Variants in KCNQ1OT1 observed in about 807,000 individuals in gnomAD.
KCNQ1OT1 encodes KCNQ1 opposite strand/antisense transcript 1, also known as KCNQ1 antisense RNA 2 (non-protein coding).
In KCNQ1OT1 at chr11:2,619,055, A is replaced by T. The variant is rs116484854; in HGVS notation, n.80940T>A. 3.1e-3 allele frequency: 1,248 copies of T among 398,464 alleles called. 18 individuals are homozygous for T. Among genetic ancestry groups the T allele is most frequent in the African/African-American group, 0.023 (1,113 of 48,732 alleles). The allele number at this position is 398,464 out of a possible 1,614,324, so 24.7% of individuals were successfully genotyped here. A position where few individuals can be genotyped will look rare whatever the true frequency, so the allele number is the denominator to read the frequency against. On this transcript the variant is annotated non_coding_transcript_exon_variant, in exon 1 of 1. Transcript: ENST00000597346. Reference sequence around the variant, plus strand: ...TACAACTTTACTGAACTCATTTATTAGTTCTAACAGGTTGCTTTGTCAGAG... The same window carrying T: ...TACAACTTTACTGAACTCATTTATTTGTTCTAACAGGTTGCTTTGTCAGAG...
exon 1 of KCNQ1OT1, chr11:2,662,465 C>G (rs1042232676): frequency 4.3e-6 from 2 of 466,342 alleles, no homozygotes; most frequent in Non-Finnish European, 7.5e-6. Flanking sequence ...GGGCAGATGC[C>G]GGGTGCAGTC....
rs1046249034 is a variant in KCNQ1OT1, at chr11:2,640,478, G to T, written n.59517C>A. The stretch of plus-strand genomic sequence containing the variant: ...CTTCTTAATTTTTTGTAGAGACAGG[G>T]TCGTGCATTGTTGCCCAGGCTGGTC... On this transcript the variant is annotated non_coding_transcript_exon_variant, in exon 1 of 1. Transcript: ENST00000597346. 4 of 398,328 alleles carry T rather than the reference G, an allele frequency of 1.0e-5. No homozygotes were observed. In the Admixed American group the frequency reaches 1.3e-4, roughly 13 times the overall value. The allele number at this position is 398,328 out of a possible 1,614,324, so 24.7% of individuals were successfully genotyped here. A position where few individuals can be genotyped will look rare whatever the true frequency, so the allele number is the denominator to read the frequency against.
exon 1 of KCNQ1OT1, chr11:2,644,068 C>T: frequency 2.5e-6 from 1 of 398,498 alleles, no homozygotes; most frequent in Non-Finnish European, 4.4e-6. Flanking sequence ...CTATAATGTG[C>T]TGTGGAAAAG....
At chr11:2,638,328 A>G (rs1296362324) in exon 1 of KCNQ1OT1, 2 of 151,974 alleles carry the variant, frequency 1.3e-5, no homozygotes, top group Admixed American at 1.3e-4. Context: ...GTTCCTTTCC[A>G]TGTTTAGTGC....
At chr11:2,625,102 GT>G in exon 1 of KCNQ1OT1, 1 of 398,640 alleles carries the variant, frequency 2.5e-6, no homozygotes, top group Non-Finnish European at 4.4e-6. Flanking sequence ...ATACACAGAG[GT>G]GGAGTTGATG....
rs1241222485 is a variant in KCNQ1OT1, at chr11:2,682,627, G to T, written n.17368C>A. 2.5e-6 allele frequency: 1 copy of T among 398,532 alleles called. No homozygotes were observed. The highest frequency in any genetic ancestry group is 4.4e-6 in the Non-Finnish European group (1 of 226,080). The allele number at this position is 398,532 out of a possible 1,614,324, so 24.7% of individuals were successfully genotyped here. A position where few individuals can be genotyped will look rare whatever the true frequency, so the allele number is the denominator to read the frequency against. ...GTAAGGCTTGAGAGCTCTTCTTCAG[G>T]CTCAGTCATCCCTGCTTCCCCAGGG... On this transcript the variant is annotated non_coding_transcript_exon_variant, in exon 1 of 1. Transcript: ENST00000597346. This position sits in a 1 kb window ranked among gnomAD's most constrained non-coding sequence, Gnocchi z 5.8.
At chr11:2,662,628 G>A (rs895353375) in exon 1 of KCNQ1OT1, 55 of 409,950 alleles carry the variant, frequency 1.3e-4, no homozygotes, top group Admixed American at 1.1e-3. Context: ...GCCAATCCCC[G>A]GTGCCCGGCC....
At position 2,657,723 on chromosome 11, in the gene KCNQ1OT1, T is replaced by C. The variant is rs1402492611; in HGVS notation, n.42272A>G. The C allele has an allele frequency of 2.5e-6, 1 of 398,518 alleles. No individual in the cohort carries two copies. The highest frequency in any genetic ancestry group is 4.4e-6 in the Non-Finnish European group (1 of 226,070). 24.7% of individuals were successfully genotyped at this position (398,518 alleles called of 1,614,324 possible). Reference sequence around the variant, plus strand: ...ATCTAGGATCGATCATTACATTTATTGTCATCTCTGATCGGTGACGGGCTT... The same window carrying C: ...ATCTAGGATCGATCATTACATTTATCGTCATCTCTGATCGGTGACGGGCTT... On this transcript the variant is annotated non_coding_transcript_exon_variant, in exon 1 of 1. Coordinates refer to ENST00000597346, the Ensembl canonical transcript of KCNQ1OT1. This position sits in a 1 kb window ranked among gnomAD's most constrained non-coding sequence, Gnocchi z 4.8.
Position 2,626,613 on chromosome 11 carries a change from C to T in KCNQ1OT1, n.73382G>A, listed in dbSNP as rs1197569070. Reference sequence around the variant, plus strand: ...GCATTATCACTGCTTACTGCCACCTCAATCTCCCAGGCTCAAGCAATCCTC... The same window carrying T: ...GCATTATCACTGCTTACTGCCACCTTAATCTCCCAGGCTCAAGCAATCCTC... On this transcript the variant is annotated non_coding_transcript_exon_variant, in exon 1 of 1. Transcript: ENST00000597346. The surrounding 1 kb of genome is among the most constrained non-coding windows in gnomAD (Gnocchi z 4.0). The T allele has an allele frequency of 5.0e-6, 2 of 398,632 alleles. No homozygotes were observed. The highest frequency in any genetic ancestry group is 8.8e-6 in the Non-Finnish European group (2 of 226,094). The allele number at this position is 398,632 out of a possible 1,614,324, so 24.7% of individuals were successfully genotyped here.
chr11:2,642,258 T>A lies in KCNQ1OT1; in HGVS notation n.57737A>T, dbSNP rs1849591775. 2.5e-6 allele frequency: 1 copy of A among 398,400 alleles called. No individual in the cohort carries two copies. The highest frequency in any genetic ancestry group is 4.4e-6 in the Non-Finnish European group (1 of 225,930). 24.7% of individuals were successfully genotyped at this position (398,400 alleles called of 1,614,324 possible). On this transcript the variant is annotated non_coding_transcript_exon_variant, in exon 1 of 1. Transcript: ENST00000597346. The surrounding 1 kb of genome is among the most constrained non-coding windows in gnomAD (Gnocchi z 4.3). The stretch of plus-strand genomic sequence containing the variant: ...ATTCTCCCAATCCATGAGAATGGGA[T>A]GTTTTTTGTGTGTTCTTTTCAATTT...
At chr11:2,650,510 G>C in exon 1 of KCNQ1OT1, 1 of 398,632 alleles carries the variant, frequency 2.5e-6, no homozygotes, top group Admixed American at 4.4e-5. Context: ...CAATTAATTA[G>C]ACTATAATCC....
In KCNQ1OT1 at chr11:2,652,099, CTGGCCTGGCTGGGAGG is replaced by C. The variant is rs796457611; in HGVS notation, n.47880_47895del. ...TATGGGGAGCCTCTCGGCCCCAGTT[CTGGCCTGGCTGGGAGG>C]TGGCCTGGGAAGGGACCTGTGTTTC... On this transcript the variant is annotated non_coding_transcript_exon_variant, in exon 1 of 1. Coordinates refer to ENST00000597346, the Ensembl canonical transcript of KCNQ1OT1. This position sits in a 1 kb window ranked among gnomAD's most constrained non-coding sequence, Gnocchi z 5.9. The C allele has an allele frequency of 3.3e-5, 13 of 398,708 alleles. No homozygotes were observed. The highest frequency in any genetic ancestry group is 2.3e-4 in the African/African-American group (11 of 48,766). The allele number at this position is 398,708 out of a possible 1,614,324, so 24.7% of individuals were successfully genotyped here. A position where few individuals can be genotyped will look rare whatever the true frequency, so the allele number is the denominator to read the frequency against.
At chr11:2,667,934 C>T in exon 1 of KCNQ1OT1, 1 of 398,644 alleles carries the variant, frequency 2.5e-6, no homozygotes, top group Non-Finnish European at 4.4e-6. Context: ...GTGCAGCACC[C>T]GGAGGAAGCA....
rs919581225 is a variant in KCNQ1OT1 at position 2,654,382 on chromosome 11, G to A, written n.45613C>T. On this transcript the variant is annotated non_coding_transcript_exon_variant, in exon 1 of 1. Coordinates refer to ENST00000597346, the Ensembl canonical transcript of KCNQ1OT1. This position sits in a 1 kb window ranked among gnomAD's most constrained non-coding sequence, Gnocchi z 6.4. The stretch of plus-strand genomic sequence containing the variant: ...CTGTTCATCCTTGTGAAGTAGGCTG[G>A]CTCAGGGAACTCGCCTGTGCCAAAC... 5.0e-6 allele frequency: 2 copies of A among 398,484 alleles called. No homozygotes were observed. Among genetic ancestry groups the A allele is most frequent in the Non-Finnish European group, 8.8e-6 (2 of 226,106 alleles). The allele number at this position is 398,484 out of a possible 1,614,324, so 24.7% of individuals were successfully genotyped here.
At position 2,677,438 on chromosome 11, in the gene KCNQ1OT1, T is replaced by C. The variant is rs1287140960; in HGVS notation, n.22557A>G. ...CAGAGGACAGCAGGGGAGATGATAA[T>C]TGATGCAGGTGGCCTCTTGGTCAAG... On this transcript the variant is annotated non_coding_transcript_exon_variant, in exon 1 of 1. Transcript: ENST00000597346. The surrounding 1 kb of genome is among the most constrained non-coding windows in gnomAD (Gnocchi z 4.5). The C allele has an allele frequency of 7.5e-6, 3 of 398,444 alleles. No individual in the cohort carries two copies. The highest frequency in any genetic ancestry group is 2.1e-5 in the African/African-American group (1 of 48,622). 24.7% of individuals were successfully genotyped at this position (398,444 alleles called of 1,614,324 possible). A position where few individuals can be genotyped will look rare whatever the true frequency, so the allele number is the denominator to read the frequency against.
chr11:2,665,767 A>AT, exon 1 of KCNQ1OT1: 1 of 398,398 alleles, frequency 2.5e-6, no homozygotes, highest in Non-Finnish European at 4.4e-6. Flanking sequence ...AAGCCCTAGG[A>AT]TTGCTGCTCA....
chr11:2,694,391 A>G, exon 1 of KCNQ1OT1: 1 of 398,662 alleles, frequency 2.5e-6, no homozygotes. Context: ...CTATGGGAGA[A>G]TTACTAATAT....
exon 1 of KCNQ1OT1, chr11:2,644,861 T>C (rs1382762141): frequency 2.5e-6 from 1 of 398,620 alleles, no homozygotes; most frequent in Non-Finnish European, 4.4e-6. Flanking sequence ...TAGGATGCAG[T>C]TGTTGGTGGA....
At position 2,642,416 on chromosome 11, in the gene KCNQ1OT1, G is replaced by A. The variant is rs1361408039; in HGVS notation, n.57579C>T. ...TTCTTTCTCAGCTGGTTCTTTATTG[G>A]TATATAGAAATAAGCCTGATTTTTA... On this transcript the variant is annotated non_coding_transcript_exon_variant, in exon 1 of 1. Coordinates refer to ENST00000597346, the Ensembl canonical transcript of KCNQ1OT1. This position sits in a 1 kb window ranked among gnomAD's most constrained non-coding sequence, Gnocchi z 4.3. 2 of 397,746 alleles carry A rather than the reference G, an allele frequency of 5.0e-6. No individual in the cohort carries two copies. Among genetic ancestry groups the A allele is most frequent in the South Asian group, 1.3e-4 (1 of 7,848 alleles). 24.6% of individuals were successfully genotyped at this position (397,746 alleles called of 1,614,324 possible).
Sources: gnomAD v4.1 joint callset for allele counts on GRCh38, gnomAD v4.1.1 for gene constraint, Gnocchi (gnomAD v3.1) non-coding constraint, MANE v1.5 for transcripts, NCBI Gene and HGNC (gene_info 2026-07-23, HGNC 2026-07-21) for gene names.